BMP1: variants seen among roughly 807,000 people sequenced by gnomAD.
BMP1 encodes the protein mammalian tolloid protein.
BMP1 carries 63 observed loss-of-function variants against 116.8 expected under a neutral mutation model. The observed-to-expected ratio is 0.54, with a 90% confidence interval of 0.44 to 0.67. The LOEUF (loss-of-function observed/expected upper bound fraction) is 0.67. Among genes scored for constraint, BMP1 ranks in the 30% least tolerant of loss-of-function variants. BMP1 has a pLI of 0.00. For missense variants in BMP1, 1,183 were observed against 1,358.9 expected (o/e 0.87, Z 2.04); for synonymous variants, 536 against 533.4 (o/e 1.00, Z -0.07).
At chr8:22,176,677 C>A in intron 4 of BMP1, 27 bp downstream of exon 4, 3 of 1,609,218 alleles carry the variant, frequency 1.9e-6, no homozygotes, top group Non-Finnish European at 2.6e-6. Context: ...AGGCGCTGTA[C>A]CTTCCGCCAT....
At chr8:22,192,309 C>T in intron 9 of BMP1, 158 bp downstream of exon 9, 1 of 604,344 alleles carries the variant, frequency 1.7e-6, no homozygotes, top group Non-Finnish European at 2.9e-6. Context: ...CAGATAGCTG[C>T]ATTACTCACT....
At chr8:22,168,754 G>GC (rs1828190868) in intron 1 of BMP1, among the ~76,000 whole-genome samples, 1 of 151,962 alleles carries the variant, frequency 6.6e-6, no homozygotes, top group African/African-American at 2.4e-5. Flanking sequence ...ACCCACCCAG[G>GC]CCCCTGCCCC....
chr8:22,183,778 G>A (rs553202825), intron 8 of BMP1, among the ~76,000 whole-genome samples: 2 of 152,180 alleles, frequency 1.3e-5, no homozygotes, highest in South Asian at 4.1e-4. Context: ...GTTTCTCCAT[G>A]TTGGTCAGGC....
intron 19 of BMP1, 121 bp downstream of exon 19, chr8:22,209,816 A>G: frequency 8.8e-7 from 1 of 1,131,526 alleles, no homozygotes; most frequent in Non-Finnish European, 1.3e-6. Context: ...TGAGTGCAGC[A>G]CGCGTGTGGC....
chr8:22,188,400 G>A (rs1209638749), intron 8 of BMP1, among the ~76,000 whole-genome samples: 1 of 152,058 alleles, frequency 6.6e-6, no homozygotes, highest in African/African-American at 2.4e-5. Context: ...AAACTCCTGA[G>A]CTCAAGCGAT....
At position 22,176,204 on chromosome 8, in the gene BMP1, C is replaced by T; in HGVS notation, c.324C>T (p.Ala108=). The T allele has an allele frequency of 6.2e-7, 1 of 1,614,174 alleles. No individual in the cohort carries two copies. Among genetic ancestry groups the T allele is most frequent in the Non-Finnish European group, 8.5e-7 (1 of 1,180,034 alleles). ...QSTNGQPQRG[A]CGRWRGRSRS... The stretch of plus-strand genomic sequence containing the variant: ...CCAACGGGCAGCCTCAGAGGGGAGC[C>T]TGTGGGAGATGGAGAGGTAGATCCC... Residue 108 remains alanine (A), a synonymous_variant, in exon 3 of 20, where the codon GCC becomes GCT. Coordinates refer to ENST00000306385, the MANE Select transcript of BMP1 (RefSeq NM_006129.5).
rs1203022055 is a variant in BMP1 at position 22,180,477 on chromosome 8, G to C, written c.1071G>C (p.Gly357=). Residue 357 remains glycine, a synonymous_variant, in exon 8 of 20, where the codon GGG becomes GGC. Transcript: ENST00000306385. ...TGTGGCGCATCTCTGTCACACCCGG[G>C]GAGAAGGTACGTGTGGGCTCAGCCT... ...HCVWRISVTP[G]EKIILNFTSL... 3 of 1,613,444 alleles carry C rather than the reference G, an allele frequency of 1.9e-6. No homozygotes were observed. In the African/African-American group the frequency reaches 4.0e-5, roughly 22 times the overall value.
intron 13 of BMP1, chr8:22,196,091 G>A: frequency 4.4e-6 from 2 of 453,464 alleles, no homozygotes; most frequent in South Asian, 3.2e-5. Flanking sequence ...CTGGCTTTGG[G>A]TTTGTTTTGT....
Position 22,196,859 on chromosome 8 carries a change from C to A in BMP1, c.1926+19C>A, listed in dbSNP as rs750887330. ...CAATGATGTAAGTGCCCACCAGGGGCTGAGGTGGGGCAGGAAGCTGTGAGG... is the reference window on the plus strand; with the variant it reads ...CAATGATGTAAGTGCCCACCAGGGGATGAGGTGGGGCAGGAAGCTGTGAGG... On this transcript the variant is annotated intron_variant, in intron 14 of 19. Coordinates refer to ENST00000306385, the MANE Select transcript of BMP1 (RefSeq NM_006129.5). 1 of 1,602,182 alleles carries A rather than the reference C, an allele frequency of 6.2e-7. No individual in the cohort carries two copies. Among genetic ancestry groups the A allele is most frequent in the Non-Finnish European group, 8.5e-7 (1 of 1,172,410 alleles).
chr8:22,180,638 G>A (rs1828593481), intron 8 of BMP1, among the ~76,000 whole-genome samples, 155 bp downstream of exon 8: 1 of 152,218 alleles, frequency 6.6e-6, no homozygotes, highest in South Asian at 2.1e-4. Flanking sequence ...ACGGCTGTAG[G>A]AAGGGGCTCC....
chr8:22,206,924 C>T lies in BMP1; in HGVS notation c.2304C>T (p.Pro768=). 6.2e-7 allele frequency: 1 copy of T among 1,614,238 alleles called. No homozygotes were observed. Among genetic ancestry groups the T allele is most frequent in the African/African-American group, 1.3e-5 (1 of 75,064 alleles). Reference sequence around the variant, plus strand: ...GCCCCAACTGGCCTGACAAGTATCCCAGCAAGAAGGAGTGCACGTGGGCCA... The same window carrying T: ...GCCCCAACTGGCCTGACAAGTATCCTAGCAAGAAGGAGTGCACGTGGGCCA... ...ITSPNWPDKY[P]SKKECTWAIS... The change falls in exon 17 of 20, where the codon CCC becomes CCT. Residue 768 remains proline (P), a synonymous_variant. Coordinates refer to ENST00000306385, the MANE Select transcript of BMP1 (RefSeq NM_006129.5).
At chr8:22,169,620 CAT>C (rs1241614943) in intron 1 of BMP1, 1 of 152,258 alleles carries the variant, frequency 6.6e-6, no homozygotes, top group Non-Finnish European at 1.5e-5. Context: ...AGTCCATCCA[CAT>C]GTTTGCAGGG....
rs1828467643 is a variant in BMP1 at position 22,177,149 on chromosome 8, T to C, written c.730+10T>C. On this transcript the variant is annotated intron_variant, in intron 5 of 19. Coordinates refer to ENST00000306385, the MANE Select transcript of BMP1 (RefSeq NM_006129.5). ...GAGAACATCCAGCCAGGTAGGTACCTGCCCCTCGGTGCGGCCTTGGTGGGC... is the reference window on the plus strand; with the variant it reads ...GAGAACATCCAGCCAGGTAGGTACCCGCCCCTCGGTGCGGCCTTGGTGGGC... 9.5e-6 allele frequency: 15 copies of C among 1,586,172 alleles called. No individual in the cohort carries two copies. The African/African-American group carries it at 1.3e-4, about 14-fold the overall frequency.
chr8:22,186,026 G>C (rs2131865109), intron 8 of BMP1, among the ~76,000 whole-genome samples: 1 of 151,906 alleles, frequency 6.6e-6, no homozygotes, highest in Admixed American at 6.5e-5. Flanking sequence ...AGTAGAGACA[G>C]GGTGTCACCA....
Position 22,201,912 on chromosome 8 carries a change from G to A in BMP1, c.2217G>A (p.Lys739=). 1 of 1,613,518 alleles carries A rather than the reference G, an allele frequency of 6.2e-7. No individual in the cohort carries two copies. The highest frequency in any genetic ancestry group is 8.5e-7 in the Non-Finnish European group (1 of 1,179,726). Residue 739 remains lysine, a synonymous_variant, in exon 16 of 20, where the codon AAG becomes AAA. Transcript: ENST00000306385. ...GTGGCTTCGTCCTCCATGACAACAA[G>A]CACGACTGCAAAGAAGGTACGGGCT... ...CRSGFVLHDN[K]HDCKEAGCDH...
chr8:22,209,757 C>A (rs1829428512), intron 19 of BMP1, 62 bp downstream of exon 19: 1 of 1,559,444 alleles, frequency 6.4e-7, no homozygotes, highest in African/African-American at 1.4e-5. Context: ...GTCCTCCACC[C>A]TTCTCAGCCC....
intron 18 of BMP1, among the ~76,000 whole-genome samples, 179 bp downstream of exon 18, chr8:22,207,695 G>T (rs1407695639): frequency 6.6e-6 from 1 of 152,182 alleles, no homozygotes; most frequent in Non-Finnish European, 1.5e-5. Context: ...AGGGATAGGA[G>T]GGTGTGGTTA....
intron 1 of BMP1, among the ~76,000 whole-genome samples, chr8:22,168,109 G>A (rs73225839): frequency 0.018 from 2,757 of 152,238 alleles, 34 homozygotes; most frequent in Non-Finnish European, 0.03. Flanking sequence ...ATTACTGGCC[G>A]AGTTATGGTT....
intron 8 of BMP1, among the ~76,000 whole-genome samples, chr8:22,182,688 A>G (rs1338906896): frequency 6.6e-6 from 1 of 152,172 alleles, no homozygotes; most frequent in Non-Finnish European, 1.5e-5. Flanking sequence ...TCTTTTCTAA[A>G]TGGTCACAGA....
Sources: allele counts gnomAD v4.1 joint callset (sites outside exome capture counted in the v4.1 genomes callset), GRCh38; gene constraint gnomAD v4.1.1; transcripts MANE v1.5; gene names NCBI Gene and HGNC (gene_info 2026-07-23, HGNC 2026-07-21).